LDAH: variants seen among roughly 807,000 people sequenced by gnomAD.
The protein encoded by LDAH is lipid droplet-associated hydrolase.
Under a neutral mutation model 29.6 loss-of-function variants are expected in LDAH, and 26 were observed. The observed-to-expected ratio is 0.88, with a 90% CI of 0.64 to 1.22. The LOEUF (loss-of-function observed/expected upper bound fraction) is 1.22, where lower values mean the gene tolerates loss of function less well. Among genes scored for constraint, LDAH ranks in the 50% most tolerant of loss-of-function variants. LDAH has a pLI of 0.00. For synonymous variants in LDAH, 117 were observed against 133.0 expected, an observed-to-expected ratio of 0.88 and a Z score of 0.83; for missense variants, 344 against 387.3, an observed-to-expected ratio of 0.89 and a Z score of 0.94.
chr2:20,693,669 T>C (rs192143139), intron 6 of LDAH, among the ~76,000 whole-genome samples: 11 of 152,378 alleles, frequency 7.2e-5, no homozygotes, highest in Admixed American at 6.5e-4. Flanking sequence ...TAGTGCCCTT[T>C]GGCTATCCTT....
chr2:20,722,957 A>C (rs1338248686), intron 5 of LDAH, among the ~76,000 whole-genome samples: 2 of 152,212 alleles, frequency 1.3e-5, no homozygotes, highest in South Asian at 4.1e-4. Context: ...TCTGAAGCTA[A>C]ACATATGCAT....
intron 2 of LDAH, among the ~76,000 whole-genome samples, chr2:20,796,500 T>A (rs1029194749): frequency 2.0e-5 from 3 of 152,212 alleles, no homozygotes; most frequent in African/African-American, 7.2e-5. Flanking sequence ...ACAGTTTCAC[T>A]TGTCATGTCA....
intron 1 of LDAH, among the ~76,000 whole-genome samples, chr2:20,816,763 A>G (rs1345418062): frequency 6.6e-6 from 1 of 152,048 alleles, no homozygotes; most frequent in Non-Finnish European, 1.5e-5. Flanking sequence ...ACCAATAATA[A>G]CAGAATACAC....
rs989636447 is a variant in LDAH, at chr2:20,686,704, T to C, written c.*199A>G. The C allele has an allele frequency of 2.1e-6, 1 of 467,172 alleles. No individual in the cohort carries two copies. Among genetic ancestry groups the C allele is most frequent in the South Asian group, 3.5e-5 (1 of 28,324 alleles). The allele number at this position is 467,172 out of a possible 1,614,324, so 28.9% of individuals were successfully genotyped here. A position where few individuals can be genotyped will look rare whatever the true frequency, so the allele number is the denominator to read the frequency against. On this transcript the variant is annotated 3_prime_UTR_variant, in exon 7 of 7. Transcript: ENST00000237822. ...TGTTCCCTGAGTCTTGGAAAATGTATGGTTAAACCTATGGAATGATTCATC... is the reference window on the plus strand; with the variant it reads ...TGTTCCCTGAGTCTTGGAAAATGTACGGTTAAACCTATGGAATGATTCATC...
chr2:20,709,960 G>T (rs984180688), intron 5 of LDAH, among the ~76,000 whole-genome samples: 1 of 152,094 alleles, frequency 6.6e-6, no homozygotes, highest in African/African-American at 2.4e-5. Context: ...AATTTATAAC[G>T]CTAAAAACTT....
At chr2:20,744,494 T>A (rs1282529016) in intron 4 of LDAH, among the ~76,000 whole-genome samples, 1 of 152,018 alleles carries the variant, frequency 6.6e-6, no homozygotes, top group Non-Finnish European at 1.5e-5. Flanking sequence ...TTGTCTGGAG[T>A]TTAGTATTTC....
chr2:20,746,765 G>A (rs1024041790), intron 4 of LDAH, among the ~76,000 whole-genome samples: 2 of 151,204 alleles, frequency 1.3e-5, no homozygotes, highest in African/African-American at 4.9e-5. Flanking sequence ...CTGTGTACAC[G>A]ACCAAACATT....
rs1366522919 is a variant in LDAH at position 20,790,325 on chromosome 2, T to G, written c.228A>C (p.Pro76=). 3.7e-6 allele frequency: 6 copies of G among 1,614,098 alleles called. No individual in the cohort carries two copies. The South Asian group carries it at 5.5e-5, about 15-fold the overall frequency. The stretch of plus-strand genomic sequence containing the variant: ...GCCCAGCATGACTGATAGTCCAAAC[T>G]GGAAAGCGTCTGTTTGTCAAAGAGT... ...ALYSLTNRRF[P]VWTISHAGHA... Residue 76 remains proline (P), a synonymous_variant, in exon 3 of 7, where the codon CCA becomes CCC. Coordinates refer to ENST00000237822, the MANE Select transcript of LDAH (RefSeq NM_021925.4).
chr2:20,697,567 T>C (rs895605831), intron 6 of LDAH, among the ~76,000 whole-genome samples: 1 of 152,204 alleles, frequency 6.6e-6, no homozygotes, highest in African/African-American at 2.4e-5. Flanking sequence ...TCAAATGTTT[T>C]GACTGTCACC....
intron 1 of LDAH, among the ~76,000 whole-genome samples, chr2:20,813,904 G>A (rs1428491717): frequency 6.6e-6 from 1 of 152,072 alleles, no homozygotes; most frequent in Non-Finnish European, 1.5e-5. Context: ...TTCCAAGTGA[G>A]TTATCTTTTT....
At chr2:20,771,539 C>T (rs1052843295) in intron 4 of LDAH, among the ~76,000 whole-genome samples, 1 of 152,198 alleles carries the variant, frequency 6.6e-6, no homozygotes, top group Non-Finnish European at 1.5e-5. Context: ...GGCATGCAGG[C>T]ACTGCGGTGT....
chr2:20,689,806 C>A (rs1662861166), intron 6 of LDAH, among the ~76,000 whole-genome samples: 1 of 152,176 alleles, frequency 6.6e-6, no homozygotes, highest in African/African-American at 2.4e-5. Flanking sequence ...CCTGTCAGGT[C>A]TGTTCCTCTG....
intron 3 of LDAH, among the ~76,000 whole-genome samples, chr2:20,776,416 C>T (rs1335145945): frequency 6.6e-6 from 1 of 152,170 alleles, no homozygotes; most frequent in Non-Finnish European, 1.5e-5. Flanking sequence ...ACTCCTAATT[C>T]ACTCCTACTT....
At chr2:20,780,900 C>T (rs55828515) in intron 3 of LDAH, among the ~76,000 whole-genome samples, 4,169 of 152,178 alleles carry the variant, frequency 0.027, 84 homozygotes, top group Non-Finnish European at 0.038. Context: ...TCCATCTTAC[C>T]TCCTTGTTGC....
chr2:20,691,557 G>T (rs1663026679), intron 6 of LDAH, among the ~76,000 whole-genome samples: 1 of 152,182 alleles, frequency 6.6e-6, no homozygotes, highest in Non-Finnish European at 1.5e-5. Flanking sequence ...GGTGATAACT[G>T]CCATGAAAGT....
intron 1 of LDAH, among the ~76,000 whole-genome samples, chr2:20,811,765 T>C (rs2125144132): frequency 6.6e-6 from 1 of 152,304 alleles, no homozygotes; most frequent in Admixed American, 6.5e-5. Context: ...ATTACAGGTA[T>C]GAGCCACCTC....
At chr2:20,753,691 G>A (rs1192853504) in intron 4 of LDAH, among the ~76,000 whole-genome samples, 1 of 152,088 alleles carries the variant, frequency 6.6e-6, no homozygotes, top group African/African-American at 2.4e-5. Context: ...TCTCAAACAG[G>A]CATACTCACG....
intron 4 of LDAH, among the ~76,000 whole-genome samples, chr2:20,772,282 A>C (rs1669486723): frequency 6.6e-6 from 1 of 152,256 alleles, no homozygotes; most frequent in Non-Finnish European, 1.5e-5. Flanking sequence ...TCCTATGTTT[A>C]TAGAACAGTA....
chr2:20,743,556 C>T (rs1460352298), intron 4 of LDAH, among the ~76,000 whole-genome samples: 1 of 152,128 alleles, frequency 6.6e-6, no homozygotes, highest in Admixed American at 6.5e-5. Flanking sequence ...AACATATAAA[C>T]ATACAAAATC....
Sources: allele counts gnomAD v4.1 joint callset (sites outside exome capture counted in the v4.1 genomes callset), GRCh38; gene constraint gnomAD v4.1.1; transcripts MANE v1.5; gene names NCBI Gene and HGNC (gene_info 2026-07-23, HGNC 2026-07-21).